The following ODAD1 variants were observed in gnomAD, a reference collection of about 807,000 sequenced individuals.
ODAD1 encodes the protein outer dynein arm docking complex subunit 1.
Under a neutral mutation model 67.2 loss-of-function variants are expected in ODAD1, and 49 were observed. That is an observed-to-expected ratio of 0.73 (90% CI 0.58 to 0.92). The LOEUF (loss-of-function observed/expected upper bound fraction) is 0.92. Ranked by LOEUF, ODAD1 falls within the 40% of genes least tolerant of loss-of-function variation. ODAD1 has a pLI of 0.00. For missense variants in ODAD1, 897 were observed against 953.7 expected, an observed-to-expected ratio of 0.94 and a Z score of 0.78; for synonymous variants, 345 against 393.7, an observed-to-expected ratio of 0.88 and a Z score of 1.46.
rs1293767714 is a variant in ODAD1, at chr19:48,308,178, CT to C, written c.598-1856del. Reference sequence around the variant, plus strand: ...GAGAAAGAGAAGTGTTTCCTTTTTGCTTTTTTTTTTTTTGAGACAGAGTTTC... The same window carrying C: ...GAGAAAGAGAAGTGTTTCCTTTTTGCTTTTTTTTTTTTGAGACAGAGTTTC... On this transcript the variant is annotated intron_variant, in intron 7 of 15. Coordinates refer to ENST00000674294, the MANE Select transcript of ODAD1 (RefSeq NM_001364171.2). Among the ~76,000 whole-genome samples, 385 of 143,154 alleles carry C rather than the reference CT, an allele frequency of 2.7e-3. 1 individual carries two copies. The highest frequency in any genetic ancestry group is 7.3e-3 in the Middle Eastern group (2 of 274). The allele number at this position is 143,154 out of a possible 152,430, so 93.9% of individuals were successfully genotyped here. A position where few individuals can be genotyped will look rare whatever the true frequency, so the allele number is the denominator to read the frequency against.
In ODAD1 at chr19:48,303,640, C is replaced by T. The variant is rs754353057; in HGVS notation, c.988+10G>A. On this transcript the variant is annotated intron_variant, in intron 10 of 15. Transcript: ENST00000674294. ...CCGGGCCTCCTCCCTCCACCCAGGGCCCCACTCACTCTCCAGATACTTCTG... is the reference window on the plus strand; with the variant it reads ...CCGGGCCTCCTCCCTCCACCCAGGGTCCCACTCACTCTCCAGATACTTCTG... 6.2e-7 allele frequency: 1 copy of T among 1,613,974 alleles called. No homozygotes were observed. The highest frequency in any genetic ancestry group is 1.1e-5 in the South Asian group (1 of 91,082).
Position 48,298,187 on chromosome 19 carries a change from A to AG in ODAD1, c.1393dup (p.Leu465ProfsTer35), listed in dbSNP as rs745518243. 1.2e-6 allele frequency: 2 copies of AG among 1,612,500 alleles called. No individual in the cohort carries two copies. Among genetic ancestry groups the AG allele is most frequent in the African/African-American group, 1.3e-5 (1 of 74,800 alleles). ...CCTGCCGTCTCCCACCTGGGCATGTAGGAAGGCCTGCACTGTCAGGAGCTC... is the reference window on the plus strand; with the variant it reads ...CCTGCCGTCTCCCACCTGGGCATGTAGGGAAGGCCTGCACTGTCAGGAGCTC... On this transcript the variant is annotated frameshift_variant, in exon 13 of 16. Coordinates refer to ENST00000674294, the MANE Select transcript of ODAD1 (RefSeq NM_001364171.2). LOFTEE classifies it high-confidence loss of function.
At chr19:48,318,259 TG>T (rs1412051933) in intron 5 of ODAD1, 127 bp downstream of exon 5, 1 of 793,188 alleles carries the variant, frequency 1.3e-6, no homozygotes, top group Non-Finnish European at 2.0e-6. Flanking sequence ...CCCAATGTGC[TG>T]GGATTACAGG....
chr19:48,296,832 T>G lies in ODAD1; in HGVS notation c.*144A>C. On this transcript the variant is annotated 3_prime_UTR_variant, in exon 16 of 16. Coordinates refer to ENST00000674294, the MANE Select transcript of ODAD1 (RefSeq NM_001364171.2). Reference sequence around the variant, plus strand: ...AGGTGAGGCGGTGATGAAGGGCAGATGAAAACAGTTGAAGGGGCAAAAAGA... The same window carrying G: ...AGGTGAGGCGGTGATGAAGGGCAGAGGAAAACAGTTGAAGGGGCAAAAAGA... 7.0e-7 allele frequency: 1 copy of G among 1,425,868 alleles called. No homozygotes were observed. Among genetic ancestry groups the G allele is most frequent in the Non-Finnish European group, 9.1e-7 (1 of 1,096,424 alleles). 88.3% of individuals were successfully genotyped at this position (1,425,868 alleles called of 1,614,324 possible).
intron 5 of ODAD1, among the ~76,000 whole-genome samples, chr19:48,312,426 T>G (rs1005862709): frequency 6.9e-6 from 1 of 144,144 alleles, no homozygotes; most frequent in Non-Finnish European, 1.5e-5. Flanking sequence ...TTTTTTTTTT[T>G]TTTTTTGAGA....
At chr19:48,303,586 C>G in intron 10 of ODAD1, 64 bp downstream of exon 10, 24 of 1,592,140 alleles carry the variant, frequency 1.5e-5, no homozygotes, top group Non-Finnish European at 2.1e-5. Flanking sequence ...TGAGGCCAGC[C>G]TGCACTGGAC....
chr19:48,316,357 G>A (rs62129857), intron 5 of ODAD1, among the ~76,000 whole-genome samples: 21,998 of 151,296 alleles, frequency 0.15, 1,810 homozygotes, highest in Non-Finnish European at 0.17. Context: ...TCCAGCCTGG[G>A]TGACAGAGCG....
chr19:48,310,799 G>A (rs1281322990), intron 7 of ODAD1, among the ~76,000 whole-genome samples: 1 of 152,162 alleles, frequency 6.6e-6, no homozygotes, highest in Non-Finnish European at 1.5e-5. Context: ...AGTCAAGACC[G>A]GACGCAGTGG....
Position 48,298,243 on chromosome 19 carries a change from G to A in ODAD1, c.1338C>T (p.Leu446=), listed in dbSNP as rs575579848. The A allele has an allele frequency of 6.2e-7, 1 of 1,614,134 alleles. No homozygotes were observed. The highest frequency in any genetic ancestry group is 1.1e-5 in the South Asian group (1 of 91,086). The change falls in exon 13 of 16, where the codon CTC becomes CTT. Residue 446 remains leucine (L), a synonymous_variant. Transcript: ENST00000674294. The part of the protein sequence containing the change: ...KTSMGDRDMG[L]FLSLIEKRLV... ...GCCGCTTCTCAATGAGGCTCAGGAA[G>A]AGGCCCATGTCCCGGTCTCCCATGC... is the stretch of plus-strand genomic sequence containing the variant.
In ODAD1 at chr19:48,296,828, C is replaced by A; in HGVS notation, c.*148G>T. 2 of 1,428,620 alleles carry A rather than the reference C, an allele frequency of 1.4e-6. No homozygotes were observed. Among genetic ancestry groups the A allele is most frequent in the African/African-American group, 2.9e-5 (2 of 69,544 alleles). 88.5% of individuals were successfully genotyped at this position (1,428,620 alleles called of 1,614,324 possible). A position where few individuals can be genotyped will look rare whatever the true frequency, so the allele number is the denominator to read the frequency against. On this transcript the variant is annotated 3_prime_UTR_variant, in exon 16 of 16. Transcript: ENST00000674294. ...ACACAGGTGAGGCGGTGATGAAGGGCAGATGAAAACAGTTGAAGGGGCAAA... is the reference window on the plus strand; with the variant it reads ...ACACAGGTGAGGCGGTGATGAAGGGAAGATGAAAACAGTTGAAGGGGCAAA...
chr19:48,320,146 G>A (rs1968997135), intron 3 of ODAD1, 153 bp downstream of exon 3: 4 of 895,066 alleles, frequency 4.5e-6, no homozygotes, highest in Non-Finnish European at 5.7e-6. Context: ...ACCCACCGTG[G>A]TGCCCGCCCC....
rs777938952 is a variant in ODAD1 at position 48,297,046 on chromosome 19, T to C, written c.2054A>G (p.His685Arg). Reference protein sequence around the residue: ...SSGGLGSSRDHVSSTGPASST... With the variant: ...SSGGLGSSRDRVSSTGPASST... Reference sequence around the variant, plus strand: ...GGAGGCAGGGCCGGTGCTGGAGACGTGGTCTCTGCTGGACCCGAGGCCTCC... The same window carrying C: ...GGAGGCAGGGCCGGTGCTGGAGACGCGGTCTCTGCTGGACCCGAGGCCTCC... Residue 685 changes from histidine to arginine, a missense_variant, in exon 16 of 16, where the codon CAC (histidine) becomes CGC (arginine). Physicochemically the swap from His to Arg is conservative, Grantham distance 29. Transcript: ENST00000674294. 6 of 1,612,756 alleles carry C rather than the reference T, an allele frequency of 3.7e-6. No individual in the cohort carries two copies. Among genetic ancestry groups the C allele is most frequent in the Non-Finnish European group, 5.1e-6 (6 of 1,179,888 alleles).
rs753915759 is a variant in ODAD1 at position 48,297,656 on chromosome 19, C to CG, written c.1514dup (p.Glu508Ter). The CG allele has an allele frequency of 2.5e-5, 38 of 1,515,090 alleles. No individual in the cohort carries two copies. The highest frequency in any genetic ancestry group is 2.8e-5 in the Non-Finnish European group (32 of 1,133,462). The allele number at this position is 1,515,090 out of a possible 1,614,324, so 93.9% of individuals were successfully genotyped here. On this transcript the variant is annotated frameshift_variant, in exon 15 of 16. Coordinates refer to ENST00000674294, the MANE Select transcript of ODAD1 (RefSeq NM_001364171.2). LOFTEE classifies it high-confidence loss of function. ...GGTAGTCATCGCTGGCCTCAAAACC[C>CG]GGGGGGTCTTCTCTGGGGAGGGGAA...
At chr19:48,306,845 G>C (rs28562218) in intron 7 of ODAD1, among the ~76,000 whole-genome samples, 3,354 of 152,066 alleles carry the variant, frequency 0.022, 131 homozygotes, top group African/African-American at 0.077. Flanking sequence ...TTGGGAGTTC[G>C]AGACCAGCCT....
At chr19:48,303,461 G>C in intron 10 of ODAD1, 189 bp downstream of exon 10, 1 of 642,094 alleles carries the variant, frequency 1.6e-6, no homozygotes, top group Non-Finnish European at 2.7e-6. Context: ...TTAGGAGGGG[G>C]TGGGGAGGGG....
At chr19:48,321,335 G>T (rs1190411056) in intron 1 of ODAD1, among the ~76,000 whole-genome samples, 1 of 152,234 alleles carries the variant, frequency 6.6e-6, no homozygotes. Flanking sequence ...GGAGCCCTGA[G>T]AGGTGCACGG....
At chr19:48,315,943 C>T (rs772447494) in intron 5 of ODAD1, among the ~76,000 whole-genome samples, 18 of 152,260 alleles carry the variant, frequency 1.2e-4, no homozygotes, top group Admixed American at 9.8e-4. Flanking sequence ...TTTCAGTTTT[C>T]GATTTTACAA....
chr19:48,303,691 C>G lies in ODAD1; in HGVS notation c.947G>C (p.Gly316Ala). Residue 316 changes from glycine to alanine, a missense_variant, in exon 10 of 16, where the codon GGG (glycine) becomes GCG (alanine). Coordinates refer to ENST00000674294, the MANE Select transcript of ODAD1 (RefSeq NM_001364171.2). ...CACCAACAGGTCAGGGTCACTCTCC[C>G]CCATCAGCTGGGACAGTTTATTCAG... ...DALNKLSQLM[G>A]ESDPDLLVQK... is the part of the protein sequence containing the mutation. 6.2e-7 allele frequency: 1 copy of G among 1,614,152 alleles called. No individual in the cohort carries two copies. Among genetic ancestry groups the G allele is most frequent in the Non-Finnish European group, 8.5e-7 (1 of 1,180,000 alleles).
Position 48,308,957 on chromosome 19 carries a change from C to T in ODAD1, c.597+2596G>A, listed in dbSNP as rs559640602. 2.0e-5 allele frequency among the ~76,000 whole-genome samples: 3 copies of T among 151,852 alleles called. No homozygotes were observed. The East Asian group carries it at 5.9e-4, about 30-fold the overall frequency. On this transcript the variant is annotated intron_variant, in intron 7 of 15. Coordinates refer to ENST00000674294, the MANE Select transcript of ODAD1 (RefSeq NM_001364171.2). The stretch of plus-strand genomic sequence containing the variant: ...GCCGGGGACAAGCGAGGGTCCTGCC[C>T]CTTCCGAGTTGGTGGGGTGGGAGCT...
Sources: gnomAD v4.1 joint callset for allele counts (sites outside exome capture counted in the v4.1 genomes callset) on GRCh38, gnomAD v4.1.1 for gene constraint, MANE v1.5 for transcripts, NCBI Gene and HGNC (gene_info 2026-07-23, HGNC 2026-07-21) for gene names.